The following PYROXD2 variants were observed in gnomAD, a reference collection of about 807,000 sequenced individuals.
PYROXD2 encodes the protein pyridine nucleotide-disulphide oxidoreductase domain 2, also known as pyridine nucleotide-disulfide oxidoreductase domain-containing protein 2.
PYROXD2 carries 69 observed loss-of-function variants against 71.1 expected under a neutral mutation model. The observed-to-expected ratio is 0.97, with a 90% CI of 0.80 to 1.19. The LOEUF is 1.19. Ranked by LOEUF, PYROXD2 falls within the 50% of genes most tolerant of loss-of-function variation. PYROXD2 has a pLI of 0.00. For synonymous variants in PYROXD2, 287 were observed against 302.7 expected, an observed-to-expected ratio of 0.95 and a Z score of 0.54; for missense variants, 745 against 748.9, an observed-to-expected ratio of 0.99 and a Z score of 0.06.
chr10:98,390,843 A>T, intron 11 of PYROXD2, 89 bp from the exon 12 acceptor site: 1 of 1,490,308 alleles, frequency 6.7e-7, no homozygotes, highest in Non-Finnish European at 9.1e-7. Flanking sequence ...GGCGGACGGG[A>T]GTAGGAAAGT....
intron 5 of PYROXD2, 56 bp from the exon 6 acceptor site, chr10:98,397,554 G>T: frequency 6.7e-7 from 1 of 1,482,858 alleles, no homozygotes; most frequent in Non-Finnish European, 9.0e-7. Flanking sequence ...CCTCCATGCT[G>T]TCCCCAGATG....
At chr10:98,394,441 C>T (rs1202622578) in intron 8 of PYROXD2, among the ~76,000 whole-genome samples, 1 of 151,984 alleles carries the variant, frequency 6.6e-6, no homozygotes, top group African/African-American at 2.4e-5. Flanking sequence ...TGTGCTCATC[C>T]CTTGAGAGAA....
At position 98,385,474 on chromosome 10, in the gene PYROXD2, G is replaced by A. The variant is rs111341617; in HGVS notation, c.1555-407C>T. The stretch of plus-strand genomic sequence containing the variant: ...GGACCCCGGTGTCCAAGCTCCAGCA[G>A]GATCACTGTGAATGGCAGACAAGGG... On this transcript the variant is annotated intron_variant, in intron 14 of 15. Coordinates refer to ENST00000370575, the MANE Select transcript of PYROXD2 (RefSeq NM_032709.3). Among the ~76,000 whole-genome samples, 640 of 152,372 alleles carry A rather than the reference G, an allele frequency of 4.2e-3. 2 individuals carry two copies. Among genetic ancestry groups the A allele is most frequent in the African/African-American group, 0.015 (621 of 41,592 alleles).
At chr10:98,396,206 T>C (rs7924303) in intron 6 of PYROXD2, among the ~76,000 whole-genome samples, 53,955 of 152,076 alleles carry the variant, frequency 0.35, 9,876 homozygotes, top group South Asian at 0.44. Context: ...TGTGATTTGG[T>C]CAGCCAGTGG....
intron 4 of PYROXD2, among the ~76,000 whole-genome samples, chr10:98,406,025 G>A (rs1843585339): frequency 6.6e-6 from 1 of 152,222 alleles, no homozygotes; most frequent in Admixed American, 6.5e-5. Flanking sequence ...ATTCCTGGAA[G>A]GAGTTTAGTT....
chr10:98,402,435 T>G (rs2135999321), intron 4 of PYROXD2, among the ~76,000 whole-genome samples: 1 of 152,242 alleles, frequency 6.6e-6, no homozygotes, highest in East Asian at 1.9e-4. Flanking sequence ...GATAAATTAT[T>G]CACATCAGAA....
chr10:98,399,288 C>A (rs1287762325), intron 5 of PYROXD2, among the ~76,000 whole-genome samples: 2 of 152,194 alleles, frequency 1.3e-5, no homozygotes, highest in African/African-American at 4.8e-5. Context: ...TAGATTAACA[C>A]AACAAAAGCA....
chr10:98,386,230 G>A (rs1324261606), intron 14 of PYROXD2, among the ~76,000 whole-genome samples: 11 of 147,250 alleles, frequency 7.5e-5, no homozygotes, highest in Non-Finnish European at 1.0e-4. Flanking sequence ...GCAGTGAGCC[G>A]TGATTGCACT....
chr10:98,397,252 A>G, intron 6 of PYROXD2, 93 bp downstream of exon 6: 2 of 1,453,854 alleles, frequency 1.4e-6, no homozygotes, highest in South Asian at 2.9e-5. Flanking sequence ...GCAGGCTGCC[A>G]TGGAGGTTCA....
intron 4 of PYROXD2, among the ~76,000 whole-genome samples, chr10:98,403,618 C>G (rs1264568912): frequency 6.6e-6 from 1 of 152,214 alleles, no homozygotes; most frequent in Non-Finnish European, 1.5e-5. Flanking sequence ...TTCCCTCTGA[C>G]TGGAGACTGC....
rs778780408 is a variant in PYROXD2, at chr10:98,390,719, G to C, written c.1171C>G (p.Pro391Ala). 5 of 1,608,274 alleles carry C rather than the reference G, an allele frequency of 3.1e-6. No individual in the cohort carries two copies. In the African/African-American group the frequency reaches 5.3e-5, roughly 17 times the overall value. Reference protein sequence around the residue: ...VDRLPSFLAAPNAPRGQPLPH... With the variant: ...VDRLPSFLAAANAPRGQPLPH... The stretch of plus-strand genomic sequence containing the variant: ...AGCGGCTGGCCCCTGGGAGCATTGG[G>C]GGCCGCCAGGAAGCTGGGCAGCCTG... The change falls in exon 12 of 16, where the codon CCC becomes GCC. Residue 391 changes from proline to alanine, a missense_variant. Pro to Ala is a conservative substitution (Grantham distance 27, BLOSUM62 -1). Transcript: ENST00000370575.
chr10:98,402,847 G>T (rs1843462487), intron 4 of PYROXD2, among the ~76,000 whole-genome samples: 1 of 152,222 alleles, frequency 6.6e-6, no homozygotes, highest in South Asian at 2.1e-4. Flanking sequence ...GAAGTCAGGG[G>T]CATTGTCTGT....
chr10:98,410,910 G>A (rs767809577), intron 2 of PYROXD2, 29 bp downstream of exon 2: 39 of 1,560,194 alleles, frequency 2.5e-5, no homozygotes, highest in Non-Finnish European at 2.9e-5. Context: ...CAGGGCCAGT[G>A]AAGTGGGATC....
chr10:98,401,273 A>AAAAAAAAAAAAAACAAAC (rs149519972), intron 4 of PYROXD2, among the ~76,000 whole-genome samples: 2 of 121,692 alleles, frequency 1.6e-5, no homozygotes, highest in African/African-American at 7.3e-5. Flanking sequence ...AAAACAAAAA[A>AAAAAAAAAAAAAACAAAC]AAACAAACAT....
At position 98,383,865 on chromosome 10, in the gene PYROXD2, C is replaced by A. The variant is rs759772814; in HGVS notation, c.1679G>T (p.Gly560Val). The part of the protein sequence containing the change: ...YLCGSGAHPG[G>V]GVMGAAGRNA... ...TCGCCCAGCAGCTCCCATCACACCT[C>A]CTCCTGGAAGGGAATCTCCTATGAA... is the stretch of plus-strand genomic sequence containing the variant. The change falls in exon 16 of 16, where the codon GGA (glycine) becomes GTA (valine). Residue 560 changes from glycine (G) to valine (V), a missense_variant. Physicochemically the swap from Gly to Val is moderately radical, Grantham distance 109. Transcript: ENST00000370575. 1 of 1,613,894 alleles carries A rather than the reference C, an allele frequency of 6.2e-7. No individual in the cohort carries two copies. Among genetic ancestry groups the A allele is most frequent in the Non-Finnish European group, 8.5e-7 (1 of 1,179,968 alleles).
intron 1 of PYROXD2, among the ~76,000 whole-genome samples, chr10:98,412,677 G>A (rs981253842): frequency 2.6e-5 from 4 of 152,188 alleles, no homozygotes; most frequent in Non-Finnish European, 4.4e-5. Context: ...AGAAGATGCC[G>A]TTCTGTTCCT....
chr10:98,404,472 A>C (rs919624212), intron 4 of PYROXD2, among the ~76,000 whole-genome samples: 2 of 152,230 alleles, frequency 1.3e-5, no homozygotes. Context: ...AATTATGTGG[A>C]GTCTGAATGA....
intron 4 of PYROXD2, among the ~76,000 whole-genome samples, chr10:98,400,990 G>A (rs6584195): frequency 0.44 from 66,598 of 151,860 alleles, 16,261 homozygotes; most frequent in African/African-American, 0.66. Context: ...ACAGTGGCTC[G>A]TGACTGTAAT....
intron 14 of PYROXD2, 89 bp downstream of exon 14, chr10:98,387,112 A>T: frequency 1.0e-6 from 1 of 959,098 alleles, no homozygotes; most frequent in South Asian, 1.6e-5. Context: ...CTGAGTATGG[A>T]GGGACAAGAT....
Sources: allele counts gnomAD v4.1 joint callset (sites outside exome capture counted in the v4.1 genomes callset), GRCh38; gene constraint gnomAD v4.1.1; transcripts MANE v1.5; gene names NCBI Gene and HGNC (gene_info 2026-07-23, HGNC 2026-07-21).